Variants in PGM2L1 observed in about 807,000 individuals in gnomAD.
PGM2L1 encodes glucose 1,6-bisphosphate synthase.
Under a neutral mutation model 73.4 loss-of-function variants are expected in PGM2L1, and 35 were observed. That is an observed-to-expected ratio of 0.48 (90% CI 0.36 to 0.63). PGM2L1 has a LOEUF of 0.63. PGM2L1 is among the 30% of genes least tolerant of loss of function. PGM2L1 has a pLI of 0.00. For missense variants in PGM2L1, 570 were observed against 742.0 expected, an observed-to-expected ratio of 0.77 and a Z score of 2.69; for synonymous variants, 225 against 253.8, an observed-to-expected ratio of 0.89 and a Z score of 1.08.
intron 1 of PGM2L1, among the ~76,000 whole-genome samples, chr11:74,377,297 C>G (rs943403524): frequency 6.6e-6 from 1 of 152,154 alleles, no homozygotes; most frequent in South Asian, 2.1e-4. Context: ...CCACGCCCAG[C>G]TAATTTTTTG....
intron 1 of PGM2L1, among the ~76,000 whole-genome samples, chr11:74,378,682 C>T (rs968723193): frequency 6.6e-6 from 1 of 152,184 alleles, no homozygotes; most frequent in East Asian, 1.9e-4. Flanking sequence ...AAGAAAGTGT[C>T]TTCTTACATA....
chr11:74,366,115 A>G (rs1862652045), intron 5 of PGM2L1, among the ~76,000 whole-genome samples: 1 of 151,978 alleles, frequency 6.6e-6, no homozygotes, highest in African/African-American at 2.4e-5. Flanking sequence ...CTCAAGGACA[A>G]GGAACCAAAC....
At position 74,336,505 on chromosome 11, in the gene PGM2L1, A is replaced by C; in HGVS notation, c.*147T>G. 2.2e-6 allele frequency: 1 copy of C among 459,828 alleles called. No homozygotes were observed. The highest frequency in any genetic ancestry group is 3.8e-6 in the Non-Finnish European group (1 of 263,460). 28.5% of individuals were successfully genotyped at this position (459,828 alleles called of 1,614,324 possible). On this transcript the variant is annotated 3_prime_UTR_variant, in exon 14 of 14. Coordinates refer to ENST00000298198, the MANE Select transcript of PGM2L1 (RefSeq NM_173582.6). ...AACTTATACTTTGTTTAGTCTAGCC[A>C]GTTGACCAAAAAGAAAGAAAATAAA...
chr11:74,347,108 T>C (rs758858641), intron 7 of PGM2L1, 40 bp downstream of exon 7: 2 of 1,389,132 alleles, frequency 1.4e-6, no homozygotes, highest in Admixed American at 2.6e-5. Context: ...ATTCTGATGG[T>C]TTAATAAACT....
At chr11:74,351,251 T>G in intron 6 of PGM2L1, 132 bp downstream of exon 6, 1 of 847,790 alleles carries the variant, frequency 1.2e-6, no homozygotes, top group Non-Finnish European at 1.8e-6. Context: ...ATTTCCACTC[T>G]TTGACTCTTA....
rs1385429403 is a variant in PGM2L1, at chr11:74,342,614, C to G, written c.1479G>C (p.Leu493Phe). The change falls in exon 12 of 14, where the codon TTG (leucine) becomes TTC (phenylalanine). Residue 493 changes from leucine to phenylalanine, a missense_variant. Coordinates refer to ENST00000298198, the MANE Select transcript of PGM2L1 (RefSeq NM_173582.6). ...TTTTGATGGTAGGTGGTTCATAACA[C>G]AAGAAATAGGAAGTTTTTGAAATAT... Reference protein sequence around the residue: ...GYHISKTSYFLCYEPPTIKSI... With the variant: ...GYHISKTSYFFCYEPPTIKSI... 14 of 1,592,590 alleles carry G rather than the reference C, an allele frequency of 8.8e-6. No homozygotes were observed. The highest frequency in any genetic ancestry group is 1.2e-5 in the Non-Finnish European group (14 of 1,170,220).
At position 74,369,866 on chromosome 11, in the gene PGM2L1, C is replaced by T. The variant is rs140467955; in HGVS notation, c.471+1036G>A. Reference sequence around the variant, plus strand: ...GGTTCAAGCAACTCTCGTGCCCCAGCCTCCTGAGTAGCTGGGATTACAGGC... The same window carrying T: ...GGTTCAAGCAACTCTCGTGCCCCAGTCTCCTGAGTAGCTGGGATTACAGGC... On this transcript the variant is annotated intron_variant, in intron 4 of 13. Transcript: ENST00000298198. 4.6e-5 allele frequency among the ~76,000 whole-genome samples: 7 copies of T among 152,224 alleles called. No homozygotes were observed. In the East Asian group the frequency reaches 1.2e-3, roughly 25 times the overall value.
intron 2 of PGM2L1, 41 bp from the exon 3 acceptor site, chr11:74,371,858 T>C (rs1455619459): frequency 1.4e-6 from 2 of 1,441,042 alleles, no homozygotes; most frequent in Non-Finnish European, 2.0e-6. Flanking sequence ...TAATGGATGC[T>C]TGCATTTCAT....
chr11:74,353,789 C>T (rs1056579403), intron 5 of PGM2L1, among the ~76,000 whole-genome samples: 1 of 98,134 alleles, frequency 1.0e-5, no homozygotes, highest in African/African-American at 3.6e-5. Context: ...CCACACTTCC[C>T]CCACTTCCAC....
intron 5 of PGM2L1, among the ~76,000 whole-genome samples, chr11:74,358,364 G>A (rs982784901): frequency 3.9e-5 from 6 of 152,088 alleles, no homozygotes; most frequent in Non-Finnish European, 5.9e-5. Flanking sequence ...TCAGGGAAAC[G>A]CAAATATCTT....
intron 1 of PGM2L1, among the ~76,000 whole-genome samples, chr11:74,382,164 CTAAACT>C (rs939714251): frequency 1.3e-5 from 2 of 152,190 alleles, no homozygotes; most frequent in African/African-American, 2.4e-5. Flanking sequence ...AAAAACCACT[CTAAACT>C]TAATGGTTTC....
At chr11:74,384,246 C>T (rs1862989885) in intron 1 of PGM2L1, among the ~76,000 whole-genome samples, 1 of 151,958 alleles carries the variant, frequency 6.6e-6, no homozygotes, top group Non-Finnish European at 1.5e-5. Context: ...TAAATTTGTT[C>T]ATTGAATTCT....
At chr11:74,381,745 G>A (rs1167287816) in intron 1 of PGM2L1, among the ~76,000 whole-genome samples, 1 of 151,672 alleles carries the variant, frequency 6.6e-6, no homozygotes, top group Non-Finnish European at 1.5e-5. Context: ...TGCACCCAGT[G>A]TAAGTAATAT....
At chr11:74,357,246 A>G (rs977603604) in intron 5 of PGM2L1, among the ~76,000 whole-genome samples, 1 of 152,260 alleles carries the variant, frequency 6.6e-6, no homozygotes, top group African/African-American at 2.4e-5. Flanking sequence ...CTGCTCTGCA[A>G]AAGGCACTGC....
chr11:74,353,719 C>G (rs1862394642), intron 5 of PGM2L1, among the ~76,000 whole-genome samples: 1 of 98,748 alleles, frequency 1.0e-5, no homozygotes, highest in Admixed American at 1.1e-4. Flanking sequence ...AAAATGGAGT[C>G]TCCCACGTCT....
intron 5 of PGM2L1, 63 bp downstream of exon 5, chr11:74,368,429 C>T (rs1862695317): frequency 1.4e-6 from 2 of 1,392,486 alleles, no homozygotes; most frequent in Admixed American, 1.7e-5. Flanking sequence ...ATACTCAACA[C>T]ATATTATTTG....
Position 74,390,593 on chromosome 11 carries a change from C to T in PGM2L1, c.111+7458G>A, listed in dbSNP as rs1365733360. The stretch of plus-strand genomic sequence containing the variant: ...AAGACTTAAACACTTGTCTCCCCTC[C>T]CTGAGAACTTATTACAGTGATAGTA... On this transcript the variant is annotated intron_variant, in intron 1 of 13. Coordinates refer to ENST00000298198, the MANE Select transcript of PGM2L1 (RefSeq NM_173582.6). Among the ~76,000 whole-genome samples the T allele has an allele frequency of 1.4e-4, 22 of 152,112 alleles. 1 individual carries two copies. The highest frequency in any genetic ancestry group is 1.4e-3 in the Admixed American group (21 of 15,274).
intron 2 of PGM2L1, 127 bp from the exon 3 acceptor site, chr11:74,371,944 C>T (rs977898429): frequency 4.2e-6 from 3 of 713,054 alleles, no homozygotes; most frequent in Non-Finnish European, 7.4e-6. Context: ...TGCCTTTATG[C>T]CCATGTTTAC....
intron 2 of PGM2L1, among the ~76,000 whole-genome samples, chr11:74,373,494 A>AT (rs1862806986): frequency 6.6e-6 from 1 of 152,254 alleles, no homozygotes; most frequent in Non-Finnish European, 1.5e-5. Flanking sequence ...TATTTTTAGT[A>AT]TAAGCTAAAT....
Sources: gnomAD v4.1 joint callset for allele counts (sites outside exome capture counted in the v4.1 genomes callset) on GRCh38, gnomAD v4.1.1 for gene constraint, MANE v1.5 for transcripts, NCBI Gene and HGNC (gene_info 2026-07-23, HGNC 2026-07-21) for gene names.